The following PRKCD variants were observed in gnomAD, a reference collection of about 807,000 sequenced individuals.
The protein encoded by PRKCD is protein kinase C delta.
In PRKCD, 20 loss-of-function variants were observed where a neutral mutation model predicts 82.2. The ratio of observed to expected loss-of-function variants is 0.24; its 90% confidence interval spans 0.17 to 0.35. The LOEUF is 0.35. Ranked by LOEUF, PRKCD falls within the 10% of genes least tolerant of loss-of-function variation. The pLI is 1.00. For missense variants in PRKCD, 607 were observed against 899.0 expected (o/e 0.68, Z 4.15); for synonymous variants, 317 against 337.0 (o/e 0.94, Z 0.65).
In PRKCD at chr3:53,186,217, C is replaced by T; in HGVS notation, c.1137C>T (p.Ala379=). 1.2e-6 allele frequency: 2 copies of T among 1,614,148 alleles called. No individual in the cohort carries two copies. The highest frequency in any genetic ancestry group is 1.7e-6 in the Non-Finnish European group (2 of 1,180,004). Residue 379 remains alanine, a synonymous_variant, in exon 13 of 19, where the codon GCC becomes GCT. Transcript: ENST00000330452. ...KGRGEYFAIK[A]LKKDVVLIDD... is the part of the protein sequence containing the mutation. ...GAGGAGAGTACTTTGCCATCAAGGC[C>T]CTCAAGAAGGATGTGGTCCTGATCG... is the stretch of plus-strand genomic sequence containing the variant.
rs782261770 is a variant in PRKCD at position 53,181,854 on chromosome 3, T to G, written c.571+122T>G. ...AGTGTATGCACGTGAGTTTTCCCAG[T>G]GTAGATACAGCAGCTGAGTTCAGTG... On this transcript the variant is annotated intron_variant, in intron 7 of 18. Coordinates refer to ENST00000330452, the MANE Select transcript of PRKCD (RefSeq NM_006254.4). 4 of 1,452,330 alleles carry G rather than the reference T, an allele frequency of 2.8e-6. No individual in the cohort carries two copies. In the East Asian group the frequency reaches 9.6e-5, roughly 35 times the overall value. The allele number at this position is 1,452,330 out of a possible 1,614,324, so 90.0% of individuals were successfully genotyped here.
chr3:53,176,786 C>A (rs1553665999), intron 2 of PRKCD, among the ~76,000 whole-genome samples: 1 of 152,228 alleles, frequency 6.6e-6, no homozygotes. Context: ...CTGCAAGGCA[C>A]ATTCAGCGTT....
chr3:53,181,190 C>G lies in PRKCD; in HGVS notation c.316-17C>G. The G allele has an allele frequency of 6.2e-7, 1 of 1,612,498 alleles. No homozygotes were observed. Among genetic ancestry groups the G allele is most frequent in the Non-Finnish European group, 8.5e-7 (1 of 1,179,228 alleles). The stretch of plus-strand genomic sequence containing the variant: ...CCTCACTGACCTTGTTCTCCCCTGG[C>G]CTCTGGCCCCCAACAGCTGGACCTG... On this transcript the variant is annotated splice_polypyrimidine_tract_variant and intron_variant, in intron 4 of 18. Coordinates refer to ENST00000330452, the MANE Select transcript of PRKCD (RefSeq NM_006254.4).
At chr3:53,168,313 A>G (rs1187384987) in intron 2 of PRKCD, among the ~76,000 whole-genome samples, 1 of 152,166 alleles carries the variant, frequency 6.6e-6, no homozygotes, top group East Asian at 1.9e-4. Flanking sequence ...GGACACGAAG[A>G]AGGTCAGCAC....
intron 18 of PRKCD, among the ~76,000 whole-genome samples, chr3:53,191,173 A>G (rs1306635544): frequency 6.6e-6 from 1 of 152,320 alleles, no homozygotes; most frequent in Non-Finnish European, 1.5e-5. Flanking sequence ...AGGCTGAGGC[A>G]GGCAGATCAC....
At chr3:53,163,950 G>A (rs1264678712) in intron 1 of PRKCD, among the ~76,000 whole-genome samples, 2 of 152,172 alleles carry the variant, frequency 1.3e-5, no homozygotes, top group East Asian at 1.9e-4. Context: ...ACTGCAGGGC[G>A]CTGACACCAT....
chr3:53,190,345 G>GA (rs1703882538), intron 18 of PRKCD, among the ~76,000 whole-genome samples: 1 of 152,196 alleles, frequency 6.6e-6, no homozygotes, highest in Non-Finnish European at 1.5e-5. Context: ...CAGCAAAGTG[G>GA]GAGATGCAGT....
rs200939049 is a variant in PRKCD at position 53,181,462 on chromosome 3, G to T, written c.395G>T (p.Arg132Leu). ...TCACCAGATTGCAAACAGTCTATGCGCAGTGAGGACGAGGCCAAGTTCCCA... is the reference window on the plus strand; with the variant it reads ...TCACCAGATTGCAAACAGTCTATGCTCAGTGAGGACGAGGCCAAGTTCCCA... ...LEDVDCKQSMRSEDEAKFPTM... is the reference protein window; with the variant it reads ...LEDVDCKQSMLSEDEAKFPTM... The change falls in exon 6 of 19, where the codon CGC becomes CTC. Residue 132 changes from arginine to leucine, a missense_variant. Around this residue, in one of 5 missense-constraint regions of PRKCD, gnomAD observed 161 missense variants for 227.0 expected, o/e 0.71. Coordinates refer to ENST00000330452, the MANE Select transcript of PRKCD (RefSeq NM_006254.4). The T allele has an allele frequency of 1.2e-6, 2 of 1,614,168 alleles. No individual in the cohort carries two copies. Among genetic ancestry groups the T allele is most frequent in the East Asian group, 2.2e-5 (1 of 44,884 alleles).
intron 15 of PRKCD, among the ~76,000 whole-genome samples, chr3:53,188,203 A>AAAAAAAG: frequency 6.7e-6 from 1 of 149,674 alleles, no homozygotes; most frequent in Non-Finnish European, 1.5e-5. Flanking sequence ...AAAAAAAAAA[A>AAAAAAAG]AAAAAAAAAA....
At chr3:53,187,299 G>C in intron 14 of PRKCD, 41 bp from the exon 15 acceptor site, 1 of 1,612,118 alleles carries the variant, frequency 6.2e-7, no homozygotes, top group South Asian at 1.1e-5. Flanking sequence ...GAGGCTGCTC[G>C]GCAGAGATCC....
rs1232951131 is a variant in PRKCD, at chr3:53,169,036, G to A, written c.-20+3821G>A. Among the ~76,000 whole-genome samples, 1 of 152,124 alleles carries A rather than the reference G, an allele frequency of 6.6e-6. No homozygotes were observed. Among genetic ancestry groups the A allele is most frequent in the Non-Finnish European group, 1.5e-5 (1 of 68,030 alleles). On this transcript the variant is annotated intron_variant, in intron 2 of 18. Coordinates refer to ENST00000330452, the MANE Select transcript of PRKCD (RefSeq NM_006254.4). The surrounding 1 kb of genome is among the most constrained non-coding windows in gnomAD (Gnocchi z 4.7). The stretch of plus-strand genomic sequence containing the variant: ...CAGTCAGAAGACAGGTGCAGAGCCT[G>A]GGGATGGTGGTGGTGGGAGAAGAGG...
At chr3:53,166,601 C>T (rs1430053797) in intron 2 of PRKCD, among the ~76,000 whole-genome samples, 1 of 152,238 alleles carries the variant, frequency 6.6e-6, no homozygotes, top group Non-Finnish European at 1.5e-5. Context: ...GATGCTCTCC[C>T]AGTTACCGTT....
rs180921725 is a variant in PRKCD at position 53,191,884 on chromosome 3, C to T, written c.1873-224C>T. ...GTCTCTGAGCAAGAGGCTACCACCT[C>T]TCCTAACCCAGGCCCAGAGCTCCCT... On this transcript the variant is annotated intron_variant, in intron 18 of 18. Coordinates refer to ENST00000330452, the MANE Select transcript of PRKCD (RefSeq NM_006254.4). Among the ~76,000 whole-genome samples, 256 of 152,352 alleles carry T rather than the reference C, an allele frequency of 1.7e-3. 1 individual carries two copies. The highest frequency in any genetic ancestry group is 5.9e-3 in the African/African-American group (247 of 41,580).
At chr3:53,186,545 C>A in intron 13 of PRKCD, 59 bp from the exon 14 acceptor site, 1 of 1,506,914 alleles carries the variant, frequency 6.6e-7, no homozygotes, top group Non-Finnish European at 9.1e-7. Context: ...CCCAGTGGCC[C>A]TCAGTGAGGG....
intron 15 of PRKCD, among the ~76,000 whole-genome samples, chr3:53,188,080 C>T (rs1258824043): frequency 2.7e-5 from 4 of 146,172 alleles, no homozygotes; most frequent in African/African-American, 1.0e-4. Flanking sequence ...CTCAGCTACT[C>T]AGGAGGCTGA....
intron 5 of PRKCD, 30 bp from the exon 6 acceptor site, chr3:53,181,413 AG>A: frequency 1.2e-6 from 2 of 1,613,780 alleles, no homozygotes; most frequent in African/African-American, 1.3e-5. Context: ...TCCAGATACC[AG>A]GGCTGACTTC....
At chr3:53,180,916 G>GTGGGGAATTTC (rs1220325496) in intron 4 of PRKCD, among the ~76,000 whole-genome samples, 1 of 152,130 alleles carries the variant, frequency 6.6e-6, no homozygotes, top group Non-Finnish European at 1.5e-5. Context: ...GCGGGTAGGG[G>GTGGGGAATTTC]TGGGGAATTT....
In PRKCD at chr3:53,186,229, T is replaced by G. The variant is rs1553669031; in HGVS notation, c.1149T>G (p.Asp383Glu). Residue 383 changes from aspartate (D) to glutamate (E), a missense_variant, in exon 13 of 19, where the codon GAT (aspartate) becomes GAG (glutamate). Asp to Glu is a conservative substitution (Grantham distance 45, BLOSUM62 2). Transcript: ENST00000330452. The part of the protein sequence containing the change: ...EYFAIKALKK[D>E]VVLIDDDVEC... ...TTGCCATCAAGGCCCTCAAGAAGGA[T>G]GTGGTCCTGATCGACGACGACGTGG... 1.2e-6 allele frequency: 2 copies of G among 1,614,024 alleles called. No homozygotes were observed. Among genetic ancestry groups the G allele is most frequent in the Admixed American group, 1.7e-5 (1 of 60,002 alleles).
intron 18 of PRKCD, among the ~76,000 whole-genome samples, chr3:53,191,809 T>C (rs1703934219): frequency 6.6e-6 from 1 of 152,230 alleles, no homozygotes; most frequent in Admixed American, 6.5e-5. Context: ...TAGCTTGTGG[T>C]CCCCACAAAA....
Sources: gnomAD v4.1 joint callset for allele counts (sites outside exome capture counted in the v4.1 genomes callset) on GRCh38, gnomAD v4.1.1 for gene constraint, gnomAD v4.1.1 regional missense constraint, Gnocchi (gnomAD v3.1) non-coding constraint, MANE v1.5 for transcripts, NCBI Gene and HGNC (gene_info 2026-07-23, HGNC 2026-07-21) for gene names.